The following DLG2 variants were observed in gnomAD, a reference collection of about 807,000 sequenced individuals.
DLG2 encodes the protein discs large MAGUK scaffold protein 2.
A neutral mutation model predicts 132.5 loss-of-function variants in DLG2; 45 were observed. The observed-to-expected ratio is 0.34, with a 90% CI of 0.27 to 0.44. The LOEUF (loss-of-function observed/expected upper bound fraction) is 0.44. DLG2 is among the 20% of genes least tolerant of loss of function. The probability of loss-of-function intolerance (pLI) is 1.00; values close to 1 mark genes in which losing one functional copy is unlikely to be tolerated. For synonymous variants in DLG2, 424 were observed against 419.6 expected, an observed-to-expected ratio of 1.01 and a Z score of -0.13; for missense variants, 1,045 against 1,196.9, an observed-to-expected ratio of 0.87 and a Z score of 1.87.
chr11:84,006,506 C>T (rs949484308), intron 11 of DLG2, among the ~76,000 whole-genome samples: 2 of 146,956 alleles, frequency 1.4e-5, no homozygotes, highest in Non-Finnish European at 3.0e-5. Flanking sequence ...GTATTTAACA[C>T]TTTAAGTATT....
intron 6 of DLG2, among the ~76,000 whole-genome samples, chr11:84,884,006 G>T (rs1600758360): frequency 6.6e-6 from 1 of 152,040 alleles, no homozygotes; most frequent in East Asian, 1.9e-4. Flanking sequence ...AGTCCAAAGA[G>T]AATTGTTTAA....
rs2061833588 is a variant in DLG2, at chr11:83,863,794, C to T, written c.1565+10626G>A. Among the ~76,000 whole-genome samples the T allele has an allele frequency of 2.0e-5, 3 of 152,076 alleles. No homozygotes were observed. In the South Asian group the frequency reaches 6.2e-4, roughly 32 times the overall value. On this transcript the variant is annotated intron_variant, in intron 16 of 27. Coordinates refer to ENST00000376104, the MANE Select transcript of DLG2 (RefSeq NM_001142699.3). ...CGGAGCCAGAATTTAAATGAAGTTA[C>T]AGATATGCCAAAAGGCCATCTTCTT...
chr11:84,095,394 G>A (rs2097152096), intron 10 of DLG2, among the ~76,000 whole-genome samples: 1 of 152,126 alleles, frequency 6.6e-6, no homozygotes, highest in South Asian at 2.1e-4. Context: ...TTTAACTTGT[G>A]TCCAAGGTCA....
rs1043901275 is a variant in DLG2 at position 83,458,087 on chromosome 11, T to C, written c.*1731A>G. On this transcript the variant is annotated 3_prime_UTR_variant, in exon 28 of 28. Coordinates refer to ENST00000376104, the MANE Select transcript of DLG2 (RefSeq NM_001142699.3). ...CTCTTGCTCTCCTACCCAGCCTACA[T>C]GCTGGTTTGCTGCACAGTGTGGCAG... 1.3e-5 allele frequency: 2 copies of C among 152,590 alleles called. No homozygotes were observed. The highest frequency in any genetic ancestry group is 4.8e-5 in the African/African-American group (2 of 41,414). 9.5% of individuals were successfully genotyped at this position (152,590 alleles called of 1,614,324 possible). A position where few individuals can be genotyped will look rare whatever the true frequency, so the allele number is the denominator to read the frequency against.
intron 3 of DLG2, among the ~76,000 whole-genome samples, chr11:85,543,294 T>C (rs747025861): frequency 1.3e-5 from 2 of 152,248 alleles, no homozygotes; most frequent in Non-Finnish European, 2.9e-5. Flanking sequence ...GCTTCATCCA[T>C]GTCCCTGCAA....
chr11:84,317,667 T>G (rs1159922875), intron 7 of DLG2, among the ~76,000 whole-genome samples: 2 of 152,080 alleles, frequency 1.3e-5, no homozygotes, highest in Non-Finnish European at 2.9e-5. Flanking sequence ...CAATAAAAAA[T>G]GATGGGAAAG....
chr11:85,335,821 G>A lies in DLG2; in HGVS notation c.41-50456C>T, dbSNP rs562773568. On this transcript the variant is annotated intron_variant, in intron 3 of 27. Transcript: ENST00000376104. ...GGGGTGGGGGACTAGGGGAGGGATAGCATTAGGAGAAATACCTAATGTAGA... is the reference window on the plus strand; with the variant it reads ...GGGGTGGGGGACTAGGGGAGGGATAACATTAGGAGAAATACCTAATGTAGA... Among the ~76,000 whole-genome samples, 15 of 152,164 alleles carry A rather than the reference G, an allele frequency of 9.9e-5. 1 individual carries two copies. The South Asian group carries it at 3.1e-3, about 32-fold the overall frequency.
intron 21 of DLG2, among the ~76,000 whole-genome samples, chr11:83,501,552 C>T (rs77330990): frequency 0.046 from 6,986 of 152,278 alleles, 547 homozygotes; most frequent in African/African-American, 0.16. Context: ...ACCAGTTGAT[C>T]GCTGAGGATC....
chr11:83,574,378 G>T (rs2096843197), intron 19 of DLG2, among the ~76,000 whole-genome samples: 1 of 152,144 alleles, frequency 6.6e-6, no homozygotes, highest in Non-Finnish European at 1.5e-5. Context: ...AAGTATATTT[G>T]ATAAATAAAA....
Position 83,922,930 on chromosome 11 carries a change from C to G in DLG2, c.1496+7398G>C, listed in dbSNP as rs964522205. ...CACTCCTGAGAAGAAACATGTAAGA[C>G]AGAAATACCACTATGAGTAGATAGA... On this transcript the variant is annotated intron_variant, in intron 15 of 27. Transcript: ENST00000376104. 7.9e-5 allele frequency among the ~76,000 whole-genome samples: 12 copies of G among 152,074 alleles called. 1 individual carries two copies. The highest frequency in any genetic ancestry group is 2.9e-4 in the African/African-American group (12 of 41,408).
At chr11:85,063,357 T>G (rs114146980) in intron 6 of DLG2, among the ~76,000 whole-genome samples, 1 of 151,866 alleles carries the variant, frequency 6.6e-6, no homozygotes, top group Non-Finnish European at 1.5e-5. Context: ...AATTCTCTCA[T>G]AGTCCACTGC....
At chr11:83,506,718 G>A (rs989714172) in intron 21 of DLG2, among the ~76,000 whole-genome samples, 1 of 152,124 alleles carries the variant, frequency 6.6e-6, no homozygotes, top group Non-Finnish European at 1.5e-5. Flanking sequence ...GCAAAAAAAG[G>A]TTCATCAGAA....
intron 6 of DLG2, among the ~76,000 whole-genome samples, chr11:84,600,163 A>AG (rs1491585682): frequency 1.1e-5 from 1 of 87,080 alleles, no homozygotes; most frequent in Non-Finnish European, 2.4e-5. Flanking sequence ...AAAGAAGGAA[A>AG]GAAAGAAAGA....
At chr11:85,223,277 A>G (rs1171564381) in intron 4 of DLG2, among the ~76,000 whole-genome samples, 1 of 152,144 alleles carries the variant, frequency 6.6e-6, no homozygotes, top group Admixed American at 6.5e-5. Context: ...GTCCTTTCCT[A>G]GAAGAAGAGA....
chr11:84,880,084 A>G (rs1363701891), intron 6 of DLG2, among the ~76,000 whole-genome samples: 1 of 152,130 alleles, frequency 6.6e-6, no homozygotes, highest in South Asian at 2.1e-4. Context: ...CACTTGGGAC[A>G]AAGAGATGAT....
At chr11:84,501,629 C>T (rs7949537) in intron 7 of DLG2, among the ~76,000 whole-genome samples, 88 of 152,156 alleles carry the variant, frequency 5.8e-4, no homozygotes, top group African/African-American at 1.9e-3. Context: ...TTGCTTACAT[C>T]GTTGAGATTT....
At chr11:85,510,283 G>C (rs577430193) in intron 3 of DLG2, among the ~76,000 whole-genome samples, 2 of 152,140 alleles carry the variant, frequency 1.3e-5, no homozygotes, top group African/African-American at 4.8e-5. Context: ...GCCAGGATAA[G>C]AAATATGTCT....
intron 6 of DLG2, among the ~76,000 whole-genome samples, chr11:84,549,892 T>C (rs1213067337): frequency 1.3e-5 from 2 of 152,048 alleles, no homozygotes; most frequent in Admixed American, 6.6e-5. Context: ...TAGCTGAGAT[T>C]ACAGGCTTGC....
At chr11:84,348,577 A>G (rs2098549082) in intron 7 of DLG2, among the ~76,000 whole-genome samples, 3 of 152,214 alleles carry the variant, frequency 2.0e-5, no homozygotes, top group Non-Finnish European at 4.4e-5. Flanking sequence ...GATTCTAATA[A>G]TGAATGTTTT....
Sources: allele counts gnomAD v4.1 joint callset (sites outside exome capture counted in the v4.1 genomes callset), GRCh38; gene constraint gnomAD v4.1.1; transcripts MANE v1.5; gene names NCBI Gene and HGNC (gene_info 2026-07-23, HGNC 2026-07-21).